ZNF469: variants seen among roughly 807,000 people sequenced by gnomAD.
The protein encoded by ZNF469 is zinc finger protein 469.
Under a neutral mutation model 1.0 loss-of-function variants are expected in ZNF469, and 1 was observed. That is an observed-to-expected ratio of 1.00 (90% CI 0.35 to 4.73). The LOEUF is 4.73. Ranked by LOEUF, ZNF469 falls within the 30% of genes most tolerant of loss-of-function variation. The pLI is 0.16. For synonymous variants in ZNF469, 2,703 were observed against 2,363.4 expected, an observed-to-expected ratio of 1.14 and a Z score of -4.17; for missense variants, 6,100 against 5,356.3, an observed-to-expected ratio of 1.14 and a Z score of -4.33.
the ZNF469 span, among the ~76,000 whole-genome samples, chr16:88,268,105 A>G: frequency 6.6e-6 from 1 of 152,134 alleles, no homozygotes; most frequent in African/African-American, 2.4e-5. Context: ...TTTATTTGCC[A>G]TTGACATGTC....
chr16:88,123,308 T>A, the ZNF469 span, among the ~76,000 whole-genome samples: 2 of 152,194 alleles, frequency 1.3e-5, no homozygotes, highest in Non-Finnish European at 2.9e-5. Flanking sequence ...GCATCGAGGT[T>A]TATCCATGCA....
the ZNF469 span, among the ~76,000 whole-genome samples, chr16:88,277,437 C>G: frequency 2.9e-3 from 421 of 145,468 alleles, 2 homozygotes; most frequent in African/African-American, 0.011. Flanking sequence ...TAGTGCTGCA[C>G]CACACTGACG....
the ZNF469 span, among the ~76,000 whole-genome samples, chr16:88,170,801 T>C: frequency 6.6e-6 from 1 of 152,216 alleles, no homozygotes; most frequent in East Asian, 1.9e-4. This position sits in a 1 kb window ranked among gnomAD's most constrained non-coding sequence, Gnocchi z 4.2. Flanking sequence ...TGCAGGATCA[T>C]ATGGTGGTTT....
At position 88,438,028 on chromosome 16, in the gene ZNF469, A is replaced by G; in HGVS notation, c.10558A>G (p.Thr3520Ala). Residue 3520 changes from threonine (T) to alanine (A), a missense_variant, in exon 3 of 3, where the codon ACC becomes GCC. By Grantham distance (58) the Thr-to-Ala change is moderately conservative. Coordinates refer to ENST00000565624, the MANE Select transcript of ZNF469 (RefSeq NM_001367624.2). ...HLCSEVAPST[T>A]KGWPETLERP... ...GTGTTCGGAGGTGGCTCCCAGCACCACCAAGGGATGGCCCGAGACCCTAGA... is the reference window on the plus strand; with the variant it reads ...GTGTTCGGAGGTGGCTCCCAGCACCGCCAAGGGATGGCCCGAGACCCTAGA... 1 of 1,549,986 alleles carries G rather than the reference A, an allele frequency of 6.5e-7. No homozygotes were observed. The highest frequency in any genetic ancestry group is 8.7e-7 in the Non-Finnish European group (1 of 1,146,906).
At chr16:88,186,575 C>A in the ZNF469 span, among the ~76,000 whole-genome samples, 3 of 152,126 alleles carry the variant, frequency 2.0e-5, no homozygotes, top group Admixed American at 2.0e-4. Flanking sequence ...CCCGCAGGGA[C>A]GAAGAGGCCG....
At chr16:88,221,082 G>A in the ZNF469 span, among the ~76,000 whole-genome samples, 1 of 152,138 alleles carries the variant, frequency 6.6e-6, no homozygotes, top group Non-Finnish European at 1.5e-5. Flanking sequence ...AGGCCCTTCT[G>A]CTGCTCCTAC....
At chr16:88,402,732 C>T (rs909849987) in intron 1 of ZNF469, among the ~76,000 whole-genome samples, 6 of 152,228 alleles carry the variant, frequency 3.9e-5, no homozygotes, top group African/African-American at 1.2e-4. Flanking sequence ...GCCCGGCCCC[C>T]GCCTGCCTCT....
the ZNF469 span, among the ~76,000 whole-genome samples, chr16:88,205,200 G>A: frequency 6.6e-6 from 1 of 152,258 alleles, no homozygotes; most frequent in East Asian, 1.9e-4. This position sits in a 1 kb window ranked among gnomAD's most constrained non-coding sequence, Gnocchi z 4.2. Context: ...GGAGAATGAG[G>A]AAAATAATAT....
At chr16:88,219,657 A>G in the ZNF469 span, among the ~76,000 whole-genome samples, 2 of 151,960 alleles carry the variant, frequency 1.3e-5, no homozygotes, top group African/African-American at 2.4e-5. Flanking sequence ...ACCTAAAACC[A>G]TAAAAACCCT....
the ZNF469 span, among the ~76,000 whole-genome samples, chr16:88,270,071 G>C: frequency 2.2e-4 from 34 of 152,306 alleles, 2 homozygotes; most frequent in African/African-American, 8.2e-4. Context: ...GCTGGAGACT[G>C]GCATTCGTTA....
chr16:88,152,097 T>C, the ZNF469 span, among the ~76,000 whole-genome samples: 3 of 152,182 alleles, frequency 2.0e-5, no homozygotes, highest in Admixed American at 1.3e-4. The surrounding 1 kb of genome is among the most constrained non-coding windows in gnomAD (Gnocchi z 4.2). Flanking sequence ...TTGGAGAAGA[T>C]GGCCTGGAGG....
intron 1 of ZNF469, among the ~76,000 whole-genome samples, chr16:88,397,674 A>T (rs908369422): frequency 5.3e-5 from 8 of 150,468 alleles, no homozygotes; most frequent in African/African-American, 2.0e-4. Context: ...AGATAGATAG[A>T]TAGATAGATG....
Position 88,435,512 on chromosome 16 carries a change from T to C in ZNF469, c.8042T>C (p.Val2681Ala). 6.5e-7 allele frequency: 1 copy of C among 1,549,298 alleles called. No individual in the cohort carries two copies. Among genetic ancestry groups the C allele is most frequent in the Non-Finnish European group, 8.7e-7 (1 of 1,146,956 alleles). Residue 2681 changes from valine (V) to alanine (A), a missense_variant, in exon 3 of 3, where the codon GTG becomes GCG. By Grantham distance (64) the Val-to-Ala change is moderately conservative. Coordinates refer to ENST00000565624, the MANE Select transcript of ZNF469 (RefSeq NM_001367624.2). ...GCCTCTCCGAGCCACTGCCTCTCTG[T>C]GGAAGGAGGGCCTGAGGCTGACGGG... ...YAASPSHCLS[V>A]EGGPEADGEQ...
the ZNF469 span, among the ~76,000 whole-genome samples, chr16:88,217,529 G>A: frequency 1.7e-4 from 25 of 147,484 alleles, no homozygotes; most frequent in African/African-American, 6.0e-4. Flanking sequence ...CCATGCTGGT[G>A]TGCTGCACCC....
chr16:88,391,457 C>T (rs1904489810), intron 1 of ZNF469, among the ~76,000 whole-genome samples: 2 of 152,168 alleles, frequency 1.3e-5, no homozygotes, highest in Non-Finnish European at 2.9e-5. Context: ...TCAGGGCCAT[C>T]GTTTTGGACA....
the ZNF469 span, among the ~76,000 whole-genome samples, chr16:88,153,189 T>G: frequency 6.6e-6 from 1 of 152,184 alleles, no homozygotes; most frequent in Non-Finnish European, 1.5e-5. Context: ...CTCTCTGCAC[T>G]CCGGGAACCC....
the ZNF469 span, among the ~76,000 whole-genome samples, chr16:88,200,118 G>A: frequency 0.27 from 33,581 of 125,898 alleles, 4,265 homozygotes; most frequent in Non-Finnish European, 0.37. Flanking sequence ...AGGAGTGCCC[G>A]GCACGGCCGA....
the ZNF469 span, among the ~76,000 whole-genome samples, chr16:88,326,780 C>T: frequency 6.6e-6 from 1 of 152,336 alleles, no homozygotes; most frequent in Admixed American, 6.5e-5. Flanking sequence ...CCAGGCCTTC[C>T]CTGGCCAGGG....
the ZNF469 span, among the ~76,000 whole-genome samples, chr16:88,327,252 G>A: frequency 2.9e-3 from 446 of 152,174 alleles, 4 homozygotes; most frequent in African/African-American, 0.01. Context: ...CTGCCTCCCC[G>A]GCACTGGTTC....
Sources: gnomAD v4.1 joint callset for allele counts (sites outside exome capture counted in the v4.1 genomes callset) on GRCh38, gnomAD v4.1.1 for gene constraint, Gnocchi (gnomAD v3.1) non-coding constraint, MANE v1.5 for transcripts, NCBI Gene and HGNC (gene_info 2026-07-23, HGNC 2026-07-21) for gene names.